MORN1: variants seen among roughly 807,000 people sequenced by gnomAD.
MORN1 encodes the protein MORN repeat-containing protein 1.
Under a neutral mutation model 61.9 loss-of-function variants are expected in MORN1, and 67 were observed. The ratio of observed to expected loss-of-function variants is 1.08; its 90% CI spans 0.89 to 1.33. The LOEUF is 1.33. Among genes scored for constraint, MORN1 ranks in the 40% most tolerant of loss-of-function variants. The pLI is 0.00. For missense variants in MORN1, 752 were observed against 691.2 expected (o/e 1.09, Z -0.99); for synonymous variants, 301 against 292.0 (o/e 1.03, Z -0.31).
At chr1:2,353,795 C>G (rs1211326128) in intron 10 of MORN1, among the ~76,000 whole-genome samples, 1 of 152,158 alleles carries the variant, frequency 6.6e-6, no homozygotes. Flanking sequence ...GCCACATGTC[C>G]CCACCATGTC....
intron 10 of MORN1, chr1:2,352,146 G>A (rs1557877847): frequency 5.6e-6 from 2 of 358,684 alleles, no homozygotes; most frequent in Middle Eastern, 8.7e-4. Context: ...TTGTCCCCTG[G>A]TTCTGCATTA....
Position 2,390,502 on chromosome 1 carries a change from G to A in MORN1, c.77-506C>T, listed in dbSNP as rs1386783055. On this transcript the variant is annotated intron_variant, in intron 1 of 13. Coordinates refer to ENST00000378531, the MANE Select transcript of MORN1 (RefSeq NM_024848.3). ...TGGCCGGCTTCATCTCCTCCTAGTT[G>A]CTGGGTGTGCCACCCGCCAACTCCT... The A allele has an allele frequency of 7.1e-6, 7 of 985,402 alleles. No homozygotes were observed. In the East Asian group the frequency reaches 3.4e-4, roughly 48 times the overall value. 61.0% of individuals were successfully genotyped at this position (985,402 alleles called of 1,614,324 possible).
At chr1:2,388,417 T>G in intron 2 of MORN1, 80 bp from the exon 3 acceptor site, 1 of 1,116,568 alleles carries the variant, frequency 9.0e-7, no homozygotes. Context: ...TGGGCCTGTT[T>G]CTCAGAACCA....
At position 2,385,084 on chromosome 1, in the gene MORN1, G is replaced by A. The variant is rs1355829238; in HGVS notation, c.450-19C>T. 1.3e-6 allele frequency: 2 copies of A among 1,573,994 alleles called. No individual in the cohort carries two copies. The highest frequency in any genetic ancestry group is 1.7e-6 in the Non-Finnish European group (2 of 1,160,336). On this transcript the variant is annotated intron_variant, in intron 5 of 13. Coordinates refer to ENST00000378531, the MANE Select transcript of MORN1 (RefSeq NM_024848.3). Reference sequence around the variant, plus strand: ...ACCGTTCCTGGGGGACACACGCACGGAGTCCACTCTCAACAGGGGGAGCCG... The same window carrying A: ...ACCGTTCCTGGGGGACACACGCACGAAGTCCACTCTCAACAGGGGGAGCCG...
At chr1:2,360,030 C>A (rs1019455024) in intron 8 of MORN1, among the ~76,000 whole-genome samples, 7 of 152,240 alleles carry the variant, frequency 4.6e-5, no homozygotes, top group Admixed American at 6.5e-5. Flanking sequence ...AGGGCCCAGG[C>A]AGGCTCCCAC....
intron 6 of MORN1, 196 bp from the exon 7 acceptor site, chr1:2,374,753 G>A: frequency 5.4e-6 from 3 of 554,862 alleles, no homozygotes; most frequent in Non-Finnish European, 9.6e-6. Flanking sequence ...AATCCAATTT[G>A]CTTTGCAAAA....
chr1:2,322,200 T>C, intron 13 of MORN1: 2 of 985,402 alleles, frequency 2.0e-6, no homozygotes, highest in Non-Finnish European at 1.2e-6. Flanking sequence ...AGCTTCAAAG[T>C]TGGAGAAACC....
intron 13 of MORN1, chr1:2,322,767 C>A (rs183263438): frequency 1.0e-6 from 1 of 985,302 alleles, no homozygotes; most frequent in East Asian, 1.1e-4. Context: ...AGGCGCTGGC[C>A]GGGGGGCCGA....
At chr1:2,368,511 G>A (rs922909535) in intron 8 of MORN1, among the ~76,000 whole-genome samples, 3 of 152,212 alleles carry the variant, frequency 2.0e-5, no homozygotes, top group Non-Finnish European at 4.4e-5. Context: ...TGGTAAACTG[G>A]CATGATGCGT....
chr1:2,362,854 A>C (rs1356800413), intron 8 of MORN1, among the ~76,000 whole-genome samples: 1 of 150,324 alleles, frequency 6.7e-6, no homozygotes, highest in Non-Finnish European at 1.5e-5. Flanking sequence ...ACAGAGCAGA[A>C]CTCCATCTCA....
intron 10 of MORN1, among the ~76,000 whole-genome samples, chr1:2,344,960 G>A (rs1016982731): frequency 5.3e-5 from 8 of 151,966 alleles, no homozygotes; most frequent in Non-Finnish European, 8.8e-5. Flanking sequence ...CACACTCTGC[G>A]CTCATGGATG....
At chr1:2,355,998 G>A (rs1310235373) in intron 10 of MORN1, among the ~76,000 whole-genome samples, 2 of 152,232 alleles carry the variant, frequency 1.3e-5, no homozygotes, top group Non-Finnish European at 2.9e-5. Context: ...TTGGGAAGGG[G>A]CTGGCCCTGC....
chr1:2,367,117 C>T (rs959668831), intron 8 of MORN1, among the ~76,000 whole-genome samples: 10 of 152,032 alleles, frequency 6.6e-5, no homozygotes, highest in Non-Finnish European at 1.5e-4. Context: ...ACAAACTCTT[C>T]CCGAAAATTG....
At chr1:2,378,737 A>G (rs1642302847) in intron 6 of MORN1, 2 of 360,582 alleles carry the variant, frequency 5.5e-6, no homozygotes. Flanking sequence ...TCTCCCACCG[A>G]GGATGTTCTG....
intron 10 of MORN1, among the ~76,000 whole-genome samples, chr1:2,338,728 T>G (rs1439537086): frequency 1.3e-5 from 2 of 152,322 alleles, no homozygotes; most frequent in East Asian, 3.9e-4. Flanking sequence ...ACATGGAGCC[T>G]GGAGGGTGTC....
chr1:2,356,761 C>G (rs1378256021), intron 10 of MORN1, among the ~76,000 whole-genome samples: 1 of 152,198 alleles, frequency 6.6e-6, no homozygotes, highest in East Asian at 1.9e-4. Context: ...CTGCTCACTG[C>G]ACAGGAGGGT....
rs557051996 is a variant in MORN1, at chr1:2,390,482, G to A, written c.77-486C>T. On this transcript the variant is annotated intron_variant, in intron 1 of 13. Transcript: ENST00000378531. ...ACTCATACCCAAGGATGGCCTGGCC[G>A]GCTTCATCTCCTCCTAGTTGCTGGG... is the stretch of plus-strand genomic sequence containing the variant. 80 of 985,410 alleles carry A rather than the reference G, an allele frequency of 8.1e-5. No homozygotes were observed. In the African/African-American group the frequency reaches 1.3e-3, roughly 16 times the overall value. The allele number at this position is 985,410 out of a possible 1,614,324, so 61.0% of individuals were successfully genotyped here. A position where few individuals can be genotyped will look rare whatever the true frequency, so the allele number is the denominator to read the frequency against.
At chr1:2,348,693 A>G (rs1171032075) in intron 10 of MORN1, among the ~76,000 whole-genome samples, 3 of 129,698 alleles carry the variant, frequency 2.3e-5, no homozygotes, top group Non-Finnish European at 3.3e-5. Flanking sequence ...GCACGCACAC[A>G]CACGCACGCA....
intron 13 of MORN1, chr1:2,323,301 C>A: frequency 4.1e-6 from 4 of 985,424 alleles, no homozygotes; most frequent in Non-Finnish European, 4.8e-6. Context: ...TCTCCCGCTG[C>A]GCCAGAGGCA....
Sources: allele counts gnomAD v4.1 joint callset (sites outside exome capture counted in the v4.1 genomes callset), GRCh38; gene constraint gnomAD v4.1.1; transcripts MANE v1.5; gene names NCBI Gene and HGNC (gene_info 2026-07-23, HGNC 2026-07-21).